The following PPP3CB variants were observed in gnomAD, a reference collection of about 807,000 sequenced individuals.
PPP3CB encodes the protein protein phosphatase 3 catalytic subunit beta.
In PPP3CB, 8 loss-of-function variants were observed where a neutral mutation model predicts 66.4. That is an observed-to-expected ratio of 0.12 (90% CI 0.07 to 0.22). The LOEUF is 0.22. Among genes scored for constraint, PPP3CB ranks in the 10% least tolerant of loss-of-function variants. The pLI, the probability that PPP3CB is intolerant of heterozygous loss-of-function variation, is 1.00. For missense variants in PPP3CB, 319 were observed against 642.5 expected (o/e 0.50, Z 5.44); for synonymous variants, 208 against 221.2 (o/e 0.94, Z 0.53).
chr10:73,454,581 G>T, intron 9 of PPP3CB, 92 bp from the exon 10 acceptor site: 1 of 788,292 alleles, frequency 1.3e-6, no homozygotes, highest in Non-Finnish European at 2.0e-6. Context: ...GTCAAATAAT[G>T]TTTAGCCCAA....
intron 1 of PPP3CB, among the ~76,000 whole-genome samples, chr10:73,494,586 C>T (rs920549552): frequency 5.3e-5 from 8 of 151,632 alleles, no homozygotes; most frequent in Non-Finnish European, 1.0e-4. Flanking sequence ...TGAGCCACCA[C>T]GCCAGGCCAA....
intron 1 of PPP3CB, among the ~76,000 whole-genome samples, chr10:73,490,236 CAG>C (rs368505483): frequency 2.6e-5 from 4 of 152,314 alleles, no homozygotes; most frequent in African/African-American, 9.6e-5. Context: ...CATTCCAGTC[CAG>C]AGTCATCACT....
chr10:73,459,426 CA>C (rs757168232), intron 9 of PPP3CB, among the ~76,000 whole-genome samples: 18 of 152,386 alleles, frequency 1.2e-4, no homozygotes, highest in Non-Finnish European at 2.5e-4. Flanking sequence ...ACGGAGCTTG[CA>C]GTGAGCCAAG....
chr10:73,478,878 G>T (rs1371510413), intron 2 of PPP3CB, among the ~76,000 whole-genome samples: 2 of 152,120 alleles, frequency 1.3e-5, no homozygotes, highest in Admixed American at 1.3e-4. Context: ...TATAAAGATC[G>T]TCTCTAGGAC....
At chr10:73,459,487 A>T (rs1009895625) in intron 9 of PPP3CB, among the ~76,000 whole-genome samples, 2 of 152,292 alleles carry the variant, frequency 1.3e-5, no homozygotes, top group Non-Finnish European at 2.9e-5. Flanking sequence ...TTCTGTCTCA[A>T]AAAGAAAATG....
intron 11 of PPP3CB, among the ~76,000 whole-genome samples, chr10:73,445,570 C>G (rs1564548251): frequency 1.3e-5 from 2 of 151,896 alleles, no homozygotes; most frequent in Non-Finnish European, 2.9e-5. Flanking sequence ...CTCAGCCTCC[C>G]GAGTAGCTGG....
intron 3 of PPP3CB, among the ~76,000 whole-genome samples, chr10:73,475,696 A>G (rs948517813): frequency 6.6e-6 from 1 of 152,152 alleles, no homozygotes; most frequent in Non-Finnish European, 1.5e-5. Flanking sequence ...TGCAAATGTA[A>G]TTTTTCAAAT....
At chr10:73,484,274 T>C (rs111785076) in intron 1 of PPP3CB, among the ~76,000 whole-genome samples, 7,084 of 152,210 alleles carry the variant, frequency 0.047, 503 homozygotes, top group African/African-American at 0.15. Context: ...CAACTATTTC[T>C]ACTTTTTTTT....
chr10:73,454,653 T>C (rs1338758402), intron 9 of PPP3CB, among the ~76,000 whole-genome samples, 164 bp from the exon 10 acceptor site: 1 of 149,544 alleles, frequency 6.7e-6, no homozygotes, highest in Non-Finnish European at 1.5e-5. Context: ...GCTTTCAAAA[T>C]GAAAGAAATT....
intron 12 of PPP3CB, among the ~76,000 whole-genome samples, chr10:73,441,423 A>C (rs1349341532): frequency 6.6e-6 from 1 of 151,436 alleles, no homozygotes; most frequent in Non-Finnish European, 1.5e-5. Context: ...ACATAGAGAG[A>C]CCTCATCTCC....
chr10:73,454,932 G>T (rs897530797), intron 9 of PPP3CB, among the ~76,000 whole-genome samples: 4 of 151,920 alleles, frequency 2.6e-5, no homozygotes, highest in African/African-American at 9.7e-5. Context: ...CAGTGCAGTG[G>T]CGTGATCTCG....
chr10:73,472,805 T>C (rs927886058), intron 4 of PPP3CB, among the ~76,000 whole-genome samples: 2 of 152,176 alleles, frequency 1.3e-5, no homozygotes, highest in African/African-American at 4.8e-5. Context: ...AGGAAGCCAA[T>C]ATAGAAACAC....
chr10:73,440,541 G>A (rs2056126627), intron 12 of PPP3CB, among the ~76,000 whole-genome samples: 1 of 152,124 alleles, frequency 6.6e-6, no homozygotes, highest in Admixed American at 6.5e-5. Flanking sequence ...GTTCTTTGTG[G>A]GGGACCTGAA....
intron 1 of PPP3CB, among the ~76,000 whole-genome samples, chr10:73,479,912 G>A (rs1056293395): frequency 1.3e-5 from 2 of 151,606 alleles, no homozygotes; most frequent in South Asian, 2.1e-4. Context: ...CTGTAATCAC[G>A]ACTACTTCGT....
chr10:73,451,425 ATACAGATG>A (rs1318591986), intron 10 of PPP3CB, among the ~76,000 whole-genome samples: 3 of 152,138 alleles, frequency 2.0e-5, no homozygotes, highest in African/African-American at 7.2e-5. Context: ...AGAACATAAA[ATACAGATG>A]TATTAATTTA....
chr10:73,467,338 T>A, intron 9 of PPP3CB: 1 of 303,342 alleles, frequency 3.3e-6, no homozygotes, highest in Non-Finnish European at 6.0e-6. Context: ...TTTATAAATC[T>A]TCTCCCAGTC....
chr10:73,457,687 A>C (rs2056451323), intron 9 of PPP3CB, among the ~76,000 whole-genome samples: 1 of 151,694 alleles, frequency 6.6e-6, no homozygotes, highest in Non-Finnish European at 1.5e-5. Context: ...GCAGTGAGCC[A>C]AGATGGTACC....
chr10:73,457,796 T>G (rs1188631358), intron 9 of PPP3CB, among the ~76,000 whole-genome samples: 1 of 151,366 alleles, frequency 6.6e-6, no homozygotes, highest in Non-Finnish European at 1.5e-5. Flanking sequence ...GAAAATTATT[T>G]GTAAATCATA....
chr10:73,468,267 C>T (rs556727992), intron 8 of PPP3CB, among the ~76,000 whole-genome samples: 2 of 152,118 alleles, frequency 1.3e-5, no homozygotes, highest in South Asian at 4.2e-4. Flanking sequence ...CCTACTAAAA[C>T]ACCAAAAGAG....
Sources: gnomAD v4.1 joint callset for allele counts (sites outside exome capture counted in the v4.1 genomes callset) on GRCh38, gnomAD v4.1.1 for gene constraint, MANE v1.5 for transcripts, NCBI Gene and HGNC (gene_info 2026-07-23, HGNC 2026-07-21) for gene names.